Variants in NBDY observed in about 807,000 individuals in gnomAD.
NBDY encodes the protein P-body dissociating protein.
At chrX:56,804,615 G>C (rs775578203) in intron 2 of NBDY, among the ~76,000 whole-genome samples, 9 of 112,477 alleles carry the variant, frequency 8.0e-5, no homozygotes, top group Non-Finnish European at 1.7e-4. Context: ...GGAAGTGAAG[G>C]TTGAGGCTGG....
chrX:56,789,447 T>C (rs1283792580), intron 2 of NBDY, among the ~76,000 whole-genome samples: 1 of 112,091 alleles, frequency 8.9e-6, no homozygotes, highest in African/African-American at 3.2e-5. Flanking sequence ...CCTCTAGGAA[T>C]TGGCCCAGGT....
intron 2 of NBDY, among the ~76,000 whole-genome samples, chrX:56,745,586 T>C (rs943346110): frequency 4.5e-5 from 5 of 111,307 alleles, no homozygotes; most frequent in Non-Finnish European, 9.4e-5. Context: ...TCTAATATAC[T>C]ATCCATATCA....
intron 1 of NBDY, among the ~76,000 whole-genome samples, 184 bp from the exon 2 acceptor site, chrX:56,731,879 C>T (rs1210493160): frequency 9.0e-6 from 1 of 111,572 alleles, no homozygotes; most frequent in Non-Finnish European, 1.9e-5. Flanking sequence ...ACACCTGATT[C>T]CAGAGTTTAT....
intron 2 of NBDY, among the ~76,000 whole-genome samples, chrX:56,735,333 T>C (rs1304165763): frequency 8.9e-6 from 1 of 112,515 alleles, no homozygotes; most frequent in Non-Finnish European, 1.9e-5. Context: ...AAGAATGAAG[T>C]AATCTGGAAA....
intron 2 of NBDY, among the ~76,000 whole-genome samples, chrX:56,792,923 G>A (rs776410462): frequency 8.9e-6 from 1 of 111,843 alleles, no homozygotes; most frequent in African/African-American, 3.3e-5. Context: ...CTGCAACCAG[G>A]GTAGGGGCAG....
intron 1 of NBDY, among the ~76,000 whole-genome samples, chrX:56,730,513 CAAA>C (rs1157131797): frequency 1.8e-4 from 2 of 11,215 alleles, no homozygotes; most frequent in African/African-American, 4.6e-4. Flanking sequence ...AACTACGTCT[CAAA>C]AAAAAAAAAA....
Position 56,729,485 on chromosome X carries a change from T to C in NBDY, c.132T>C (p.Gly44=). ...WDYPEGTPNG[G]STTLPSAPPP... is the part of the protein sequence containing the mutation. Reference sequence around the variant, plus strand: ...ATCCGGAAGGAACTCCCAACGGAGGTAGTACCACTCTACCCTCCGCACCTC... The same window carrying C: ...ATCCGGAAGGAACTCCCAACGGAGGCAGTACCACTCTACCCTCCGCACCTC... Residue 44 remains glycine, a synonymous_variant, in exon 1 of 3, where the codon GGT becomes GGC. Coordinates refer to ENST00000374922, the MANE Select transcript of NBDY (RefSeq NM_001348129.2). 1 of 297,192 alleles carries C rather than the reference T, an allele frequency of 3.4e-6. No individual in the cohort carries two copies. Among genetic ancestry groups the C allele is most frequent in the Non-Finnish European group, 5.9e-6 (1 of 170,094 alleles). The allele number at this position is 297,192 out of a possible 1,213,427, so 24.5% of individuals were successfully genotyped here. A position where few individuals can be genotyped will look rare whatever the true frequency, so the allele number is the denominator to read the frequency against.
intron 2 of NBDY, among the ~76,000 whole-genome samples, chrX:56,764,535 C>T (rs770420355): frequency 9.1e-6 from 1 of 110,002 alleles, no homozygotes; most frequent in African/African-American, 3.3e-5. Context: ...AGCACATCCT[C>T]GCTGATCTCT....
At chrX:56,809,708 A>G (rs149938013) in intron 2 of NBDY, among the ~76,000 whole-genome samples, 3,856 of 111,718 alleles carry the variant, frequency 0.035, 88 homozygotes, top group Non-Finnish European at 0.057. Context: ...CTCTTTATCC[A>G]ATTTGCCAGT....
At chrX:56,765,941 G>T (rs983985436) in intron 2 of NBDY, among the ~76,000 whole-genome samples, 2 of 111,340 alleles carry the variant, frequency 1.8e-5, no homozygotes, top group African/African-American at 6.6e-5. Context: ...CCTTGGTGAT[G>T]TGGGATGTCC....
intron 2 of NBDY, among the ~76,000 whole-genome samples, chrX:56,789,787 C>T (rs12011502): frequency 1.2e-3 from 131 of 111,552 alleles, no homozygotes; most frequent in African/African-American, 3.6e-3. Flanking sequence ...TCTTACTGAG[C>T]GTGCATGCTC....
intron 2 of NBDY, among the ~76,000 whole-genome samples, chrX:56,755,593 A>G (rs1447625889): frequency 1.8e-5 from 2 of 112,072 alleles, no homozygotes; most frequent in Non-Finnish European, 3.8e-5. Context: ...ACAATGAGAT[A>G]CCGTCTCACA....
At chrX:56,756,407 A>C (rs1191566596) in intron 2 of NBDY, among the ~76,000 whole-genome samples, 1 of 105,186 alleles carries the variant, frequency 9.5e-6, no homozygotes, top group African/African-American at 3.4e-5. Flanking sequence ...CACCCTATTA[A>C]AGTAAGCCTG....
At chrX:56,730,459 C>T (rs780588729) in intron 1 of NBDY, among the ~76,000 whole-genome samples, 30 of 92,479 alleles carry the variant, frequency 3.2e-4, no homozygotes, top group Non-Finnish European at 6.0e-4. Context: ...TGCAGTGAGC[C>T]GAGATCGCGC....
chrX:56,805,958 T>C lies in NBDY; in HGVS notation c.*167-11362T>C, dbSNP rs1004112176. 4.5e-5 allele frequency among the ~76,000 whole-genome samples: 5 copies of C among 111,224 alleles called. No homozygotes were observed. In the East Asian group the frequency reaches 8.5e-4, roughly 19 times the overall value. ...CTACATTAGGTATTTCTCTTAATGC[T>C]ATCCCTCCCCTAGCTCCCCACCCCA... is the stretch of plus-strand genomic sequence containing the variant. On this transcript the variant is annotated intron_variant, in intron 2 of 2. Transcript: ENST00000374922.
intron 2 of NBDY, among the ~76,000 whole-genome samples, chrX:56,745,432 T>C (rs2069552125): frequency 9.1e-6 from 1 of 110,419 alleles, no homozygotes; most frequent in African/African-American, 3.3e-5. Flanking sequence ...TATATATACA[T>C]ACACAGATTT....
intron 2 of NBDY, among the ~76,000 whole-genome samples, chrX:56,735,520 T>C (rs1429029256): frequency 8.9e-6 from 1 of 111,935 alleles, no homozygotes; most frequent in Non-Finnish European, 1.9e-5. Flanking sequence ...TTAGGCTTGC[T>C]TTAAACATTA....
intron 2 of NBDY, among the ~76,000 whole-genome samples, chrX:56,764,516 C>T (rs73214050): frequency 3.6e-4 from 40 of 110,135 alleles, no homozygotes; most frequent in Non-Finnish European, 7.2e-4. Context: ...CAGGCTTAGA[C>T]ATAGTCTAAG....
intron 2 of NBDY, among the ~76,000 whole-genome samples, chrX:56,815,431 A>G (rs746646365): frequency 2.0e-4 from 22 of 112,016 alleles, no homozygotes; most frequent in Non-Finnish European, 3.8e-4. Context: ...TCAAACATAT[A>G]CTATGTTTTC....
Sources: allele counts gnomAD v4.1 joint callset (sites outside exome capture counted in the v4.1 genomes callset), GRCh38; gene constraint gnomAD v4.1.1; transcripts MANE v1.5; gene names NCBI Gene and HGNC (gene_info 2026-07-23, HGNC 2026-07-21).